The following ADGRG4 variants were observed in gnomAD, a reference collection of about 807,000 sequenced individuals.
ADGRG4 encodes G protein-coupled receptor 112.
ADGRG4 carries 122 observed loss-of-function variants against 126.2 expected under a neutral mutation model. The observed-to-expected ratio is 0.97, with a 90% CI of 0.83 to 1.12. The LOEUF (loss-of-function observed/expected upper bound fraction) is 1.12. Among genes scored for constraint, ADGRG4 ranks in the 50% most tolerant of loss-of-function variants. The probability of loss-of-function intolerance (pLI) is 0.00; values close to 1 mark genes in which losing one functional copy is unlikely to be tolerated. For synonymous variants in ADGRG4, 943 were observed against 838.7 expected (o/e 1.12, Z -2.15); for missense variants, 2,481 against 2,251.8 (o/e 1.10, Z -2.06).
intron 5 of ADGRG4, among the ~76,000 whole-genome samples, chrX:136,331,281 A>G (rs1468983698): frequency 8.9e-6 from 1 of 112,255 alleles, no homozygotes; most frequent in Non-Finnish European, 1.9e-5. Flanking sequence ...AATCTTAGCT[A>G]TTGTGAACAG....
intron 5 of ADGRG4, among the ~76,000 whole-genome samples, chrX:136,323,991 T>G (rs1163642952): frequency 2.7e-5 from 3 of 111,831 alleles, no homozygotes; most frequent in Non-Finnish European, 5.6e-5. Context: ...AATTTATGTT[T>G]GTCTAATATT....
At chrX:136,380,607 T>TCC (rs2075256114) in intron 15 of ADGRG4, among the ~76,000 whole-genome samples, 1 of 30,461 alleles carries the variant, frequency 3.3e-5, no homozygotes. Context: ...CCTCCTCCTC[T>TCC]TCTTCTTCTT....
intron 13 of ADGRG4, among the ~76,000 whole-genome samples, chrX:136,367,054 G>A (rs1024133949): frequency 1.6e-4 from 18 of 110,961 alleles, no homozygotes; most frequent in African/African-American, 5.6e-4. Context: ...AAAAAATGGC[G>A]GTCTATGAGC....
chrX:136,357,628 T>C (rs2075102477), intron 9 of ADGRG4, 76 bp from the exon 10 acceptor site: 1 of 685,781 alleles, frequency 1.5e-6, no homozygotes, highest in Non-Finnish European at 2.2e-6. Flanking sequence ...ATAATTGTTG[T>C]TAACAATAAG....
In ADGRG4 at chrX:136,416,801, A is replaced by G. The variant is rs746240047; in HGVS notation, c.*310A>G. 1 of 186,713 alleles carries G rather than the reference A, an allele frequency of 5.4e-6. No individual in the cohort carries two copies. Among genetic ancestry groups the G allele is most frequent in the East Asian group, 1.0e-4 (1 of 10,042 alleles). 15.4% of individuals were successfully genotyped at this position (186,713 alleles called of 1,213,427 possible). A position where few individuals can be genotyped will look rare whatever the true frequency, so the allele number is the denominator to read the frequency against. On this transcript the variant is annotated 3_prime_UTR_variant, in exon 26 of 26. Transcript: ENST00000394143. ...TTGGGGAAAAGGTTGAATTTGTGAA[A>G]CAATCTGCTCCAACCTTCTATTTTA...
At position 136,323,346 on chromosome X, in the gene ADGRG4, G is replaced by A. The variant is rs1333471228; in HGVS notation, c.639G>A (p.Trp213Ter). 1 of 1,209,881 alleles carries A rather than the reference G, an allele frequency of 8.3e-7. No homozygotes were observed. The highest frequency in any genetic ancestry group is 1.1e-6 in the Non-Finnish European group (1 of 894,418). The change falls in exon 5 of 26, where the codon TGG becomes TGA. Residue 213 changes from tryptophan to a stop codon, truncating the protein, a stop_gained. Transcript: ENST00000394143. LOFTEE classifies it high-confidence loss of function. The stretch of plus-strand genomic sequence containing the variant: ...TAGTTAGTTGGGAAGAAGACGTCTG[G>A]CTTGTCAACAAGATCATCCCAACTG... ...GNIVSWEEDV[W>*]LVNKIIPTVD...
chrX:136,323,530 T>G (rs1482362494), intron 5 of ADGRG4, 138 bp downstream of exon 5: 8 of 487,209 alleles, frequency 1.6e-5, no homozygotes, highest in Non-Finnish European at 2.7e-5. Flanking sequence ...ATCTTTATTT[T>G]GATATGATTT....
At chrX:136,332,155 C>A (rs1603293037) in intron 5 of ADGRG4, among the ~76,000 whole-genome samples, 1 of 101,672 alleles carries the variant, frequency 9.8e-6, no homozygotes, top group Non-Finnish European at 2.0e-5. Flanking sequence ...TCCCTCCCCC[C>A]TCCCACCACC....
At chrX:136,385,833 T>G (rs1385423426) in intron 15 of ADGRG4, among the ~76,000 whole-genome samples, 1 of 112,059 alleles carries the variant, frequency 8.9e-6, no homozygotes, top group African/African-American at 3.2e-5. Flanking sequence ...TCCTTTATTC[T>G]TAGTGGAAGT....
In ADGRG4 at chrX:136,350,094, A is replaced by G. The variant is rs369224280; in HGVS notation, c.6388A>G (p.Thr2130Ala). Reference sequence around the variant, plus strand: ...TCATCCTTCATCCTTCAGCAGAAAGACTATGTCACCTTCTACAACTGACCA... The same window carrying G: ...TCATCCTTCATCCTTCAGCAGAAAGGCTATGTCACCTTCTACAACTGACCA... Reference protein sequence around the residue: ...VSHPSSFSRKTMSPSTTDHTL... With the variant: ...VSHPSSFSRKAMSPSTTDHTL... Residue 2130 changes from threonine (T) to alanine (A), a missense_variant, in exon 6 of 26, where the codon ACT becomes GCT. Physicochemically the swap from Thr to Ala is moderately conservative, Grantham distance 58. Transcript: ENST00000394143. The G allele has an allele frequency of 7.4e-5, 89 of 1,207,960 alleles. No individual in the cohort carries two copies. Among genetic ancestry groups the G allele is most frequent in the Non-Finnish European group, 9.6e-5 (86 of 893,685 alleles).
chrX:136,322,231 G>C (rs995663987), intron 4 of ADGRG4, among the ~76,000 whole-genome samples: 10 of 111,710 alleles, frequency 9.0e-5, no homozygotes, highest in Non-Finnish European at 1.9e-4. Context: ...CGCCCAGCTG[G>C]TCATTCTTCA....
At chrX:136,408,981 T>C (rs1391246156) in intron 23 of ADGRG4, among the ~76,000 whole-genome samples, 1 of 109,347 alleles carries the variant, frequency 9.1e-6, no homozygotes, top group African/African-American at 3.3e-5. Context: ...CTGCCTAAAA[T>C]GACTGCAAGA....
chrX:136,394,223 G>A (rs2075334953), intron 18 of ADGRG4, among the ~76,000 whole-genome samples: 1 of 111,911 alleles, frequency 8.9e-6, no homozygotes, highest in Non-Finnish European at 1.9e-5. Flanking sequence ...ATAAGCATGA[G>A]TCTTTGGAGA....
At chrX:136,352,191 A>G (rs942351289) in intron 7 of ADGRG4, among the ~76,000 whole-genome samples, 4 of 111,826 alleles carry the variant, frequency 3.6e-5, no homozygotes, top group African/African-American at 9.8e-5. Context: ...TAGTTATGCT[A>G]TTTTTCAACT....
At chrX:136,313,065 A>G (rs752360450) in intron 4 of ADGRG4, among the ~76,000 whole-genome samples, 5 of 112,673 alleles carry the variant, frequency 4.4e-5, no homozygotes, top group African/African-American at 1.6e-4. Context: ...CAGTTGATGG[A>G]CATTTAAATT....
rs761793334 is a variant in ADGRG4 at position 136,381,775 on chromosome X, C to T, written c.7777-5965C>T. On this transcript the variant is annotated intron_variant, in intron 15 of 25. Coordinates refer to ENST00000394143, the MANE Select transcript of ADGRG4 (RefSeq NM_153834.4). The stretch of plus-strand genomic sequence containing the variant: ...ATCACAAGGTCCCACAATAGGCTGT[C>T]TGCAAGCTTGAGGAGCAAGGAGAGC... Among the ~76,000 whole-genome samples the T allele has an allele frequency of 6.3e-5, 7 of 110,986 alleles. No homozygotes were observed. The South Asian group carries it at 2.7e-3, about 43-fold the overall frequency.
intron 13 of ADGRG4, among the ~76,000 whole-genome samples, chrX:136,368,864 A>G (rs952034372): frequency 8.9e-6 from 1 of 112,281 alleles, no homozygotes; most frequent in African/African-American, 3.2e-5. Context: ...GTGTTTAACA[A>G]CTCGTTCACA....
At position 136,347,574 on chromosome X, in the gene ADGRG4, G is replaced by A. The variant is rs757553041; in HGVS notation, c.3868G>A (p.Gly1290Ser). The A allele has an allele frequency of 2.4e-5, 29 of 1,205,196 alleles. No homozygotes were observed. The highest frequency in any genetic ancestry group is 2.9e-5 in the Non-Finnish European group (26 of 891,725). ...SKNSFISYSR[G>S]TPSLEMTDTG... Reference sequence around the variant, plus strand: ...GAATTCTTTTATTTCATACTCCCGGGGTACTCCATCTTTGGAAATGACAGA... The same window carrying A: ...GAATTCTTTTATTTCATACTCCCGGAGTACTCCATCTTTGGAAATGACAGA... Residue 1290 changes from glycine to serine, a missense_variant, in exon 6 of 26, where the codon GGT becomes AGT. By Grantham distance (56) the Gly-to-Ser change is moderately conservative (BLOSUM62 0). Transcript: ENST00000394143.
intron 5 of ADGRG4, among the ~76,000 whole-genome samples, chrX:136,328,163 A>C (rs1355948323): frequency 9.0e-6 from 1 of 111,461 alleles, no homozygotes; most frequent in East Asian, 2.8e-4. Flanking sequence ...ATATAGAGCT[A>C]TCTGATTCTT....
Sources: allele counts gnomAD v4.1 joint callset (sites outside exome capture counted in the v4.1 genomes callset), GRCh38; gene constraint gnomAD v4.1.1; transcripts MANE v1.5; gene names NCBI Gene and HGNC (gene_info 2026-07-23, HGNC 2026-07-21).